The following KIF5C variants were observed in gnomAD, a reference collection of about 807,000 sequenced individuals.
KIF5C encodes kinesin family member 5C.
A neutral mutation model predicts 125.2 loss-of-function variants in KIF5C; 18 were observed. The ratio of observed to expected loss-of-function variants is 0.14; its 90% CI spans 0.10 to 0.21. The LOEUF is 0.21. Ranked by LOEUF, KIF5C falls within the 10% of genes least tolerant of loss-of-function variation. The pLI, the probability that KIF5C is intolerant of heterozygous loss-of-function variation, is 1.00. For synonymous variants in KIF5C, 405 were observed against 434.0 expected (o/e 0.93, Z 0.83); for missense variants, 780 against 1,183.8 (o/e 0.66, Z 5.01).
chr2:148,934,662 A>G (rs1375870111), intron 3 of KIF5C, among the ~76,000 whole-genome samples: 1 of 151,560 alleles, frequency 6.6e-6, no homozygotes. Flanking sequence ...CACACACATC[A>G]CAAGCACCCC....
At position 148,908,930 on chromosome 2, in the gene KIF5C, A is replaced by G. The variant is rs570572891; in HGVS notation, c.127-13207A>G. The stretch of plus-strand genomic sequence containing the variant: ...ATGTTATCTACATGATGAGGCCAGT[A>G]TGGCACAAAAGCAGTGAAGTCCCTG... On this transcript the variant is annotated intron_variant, in intron 1 of 25. Transcript: ENST00000435030. 2.0e-5 allele frequency among the ~76,000 whole-genome samples: 3 copies of G among 152,376 alleles called. No individual in the cohort carries two copies. The East Asian group carries it at 5.8e-4, about 29-fold the overall frequency.
chr2:148,994,625 G>A (rs954553309), intron 17 of KIF5C, 87 bp downstream of exon 17: 12 of 1,453,202 alleles, frequency 8.3e-6, no homozygotes, highest in South Asian at 1.4e-5. Context: ...GTTTAGTTTC[G>A]TTCAGTTAAA....
chr2:148,888,486 C>T (rs2105043662), intron 1 of KIF5C: 1 of 152,258 alleles, frequency 6.6e-6, no homozygotes, highest in South Asian at 2.1e-4. Flanking sequence ...CTTTGTCGCT[C>T]ACAGGTGCCT....
intron 12 of KIF5C, 82 bp from the exon 13 acceptor site, chr2:148,978,840 T>A: frequency 6.8e-7 from 1 of 1,471,238 alleles, no homozygotes; most frequent in Non-Finnish European, 9.0e-7. Context: ...AGCAAGCTTA[T>A]GGTAGCTGCC....
intron 1 of KIF5C, among the ~76,000 whole-genome samples, chr2:148,898,203 G>A (rs1226477023): frequency 1.7e-4 from 26 of 152,100 alleles, no homozygotes. Flanking sequence ...AGGGAGTGGA[G>A]AGTCCTAGAT....
At chr2:148,951,153 TATTTGCGATCCATTGC>T (rs1302220723) in intron 10 of KIF5C, among the ~76,000 whole-genome samples, 2 of 152,168 alleles carry the variant, frequency 1.3e-5, no homozygotes, top group African/African-American at 4.8e-5. Flanking sequence ...TTAGCTCCGG[TATTTGCGATCCATTGC>T]ACAGTTGCTG....
intron 25 of KIF5C, among the ~76,000 whole-genome samples, chr2:149,018,524 T>A (rs1408795123): frequency 6.6e-6 from 1 of 152,168 alleles, no homozygotes; most frequent in Non-Finnish European, 1.5e-5. Context: ...TAGGACCTTT[T>A]CTCCTCTTAA....
chr2:149,001,446 G>A (rs1176271491), intron 21 of KIF5C, among the ~76,000 whole-genome samples: 1 of 152,204 alleles, frequency 6.6e-6, no homozygotes, highest in Non-Finnish European at 1.5e-5. Flanking sequence ...TGCAGCTGAG[G>A]GAAGGACAGG....
intron 4 of KIF5C, among the ~76,000 whole-genome samples, chr2:148,940,210 G>T (rs1682375658): frequency 6.6e-6 from 1 of 152,214 alleles, no homozygotes; most frequent in Admixed American, 6.5e-5. Context: ...GTCCAGGATT[G>T]GAGGTCAGAC....
At chr2:148,929,448 C>T (rs949739329) in intron 3 of KIF5C, 94 bp downstream of exon 3, 2 of 750,664 alleles carry the variant, frequency 2.7e-6, no homozygotes, top group African/African-American at 1.8e-5. Flanking sequence ...GCTTTCTTTA[C>T]TGGGAAATAG....
intron 2 of KIF5C, 49 bp from the exon 3 acceptor site, chr2:148,929,232 A>G (rs1682114719): frequency 4.3e-6 from 5 of 1,166,314 alleles, no homozygotes; most frequent in Non-Finnish European, 6.2e-6. Flanking sequence ...CTACACCAGC[A>G]TATGATCAAA....
At chr2:148,928,506 T>C (rs754789653) in intron 2 of KIF5C, among the ~76,000 whole-genome samples, 3 of 152,226 alleles carry the variant, frequency 2.0e-5, no homozygotes, top group Non-Finnish European at 4.4e-5. Flanking sequence ...ACAGATAATC[T>C]TCAGCTCTTC....
At chr2:148,967,976 A>G (rs1018029187) in intron 11 of KIF5C, among the ~76,000 whole-genome samples, 11 of 152,140 alleles carry the variant, frequency 7.2e-5, no homozygotes, top group Non-Finnish European at 1.2e-4. Context: ...GGCGGGGTGA[A>G]GTCTGGATGC....
chr2:148,997,209 T>C (rs1316364432), intron 17 of KIF5C, 55 bp from the exon 18 acceptor site: 1 of 1,572,370 alleles, frequency 6.4e-7, no homozygotes, highest in Non-Finnish European at 8.7e-7. Context: ...ATTTTTGCTT[T>C]TGGGTGTGAG....
At chr2:148,935,014 C>A in intron 3 of KIF5C, 1 of 360,440 alleles carries the variant, frequency 2.8e-6, no homozygotes, top group South Asian at 2.1e-5. Flanking sequence ...TCTTGGGCAT[C>A]TGAGCTGGAT....
intron 20 of KIF5C, 24 bp from the exon 21 acceptor site, chr2:149,000,698 C>G (rs1270755459): frequency 1.9e-6 from 3 of 1,613,206 alleles, no homozygotes; most frequent in Non-Finnish European, 2.5e-6. Flanking sequence ...CTGTGGTGGT[C>G]TATGGTTCCT....
At chr2:148,984,741 A>G (rs1035254683) in intron 15 of KIF5C, among the ~76,000 whole-genome samples, 8 of 152,158 alleles carry the variant, frequency 5.3e-5, no homozygotes, top group Non-Finnish European at 1.2e-4. Flanking sequence ...ACCAATCATG[A>G]TGAATCCCTT....
chr2:149,022,267 T>TA (rs1446010731), intron 25 of KIF5C, among the ~76,000 whole-genome samples: 2 of 152,154 alleles, frequency 1.3e-5, no homozygotes, highest in Non-Finnish European at 2.9e-5. Flanking sequence ...TGAATATCCA[T>TA]AGCCTCAACA....
intron 9 of KIF5C, 118 bp from the exon 10 acceptor site, chr2:148,950,196 C>A: frequency 3.4e-6 from 5 of 1,471,646 alleles, no homozygotes; most frequent in Non-Finnish European, 4.5e-6. Flanking sequence ...AAAGACCCAG[C>A]CACAAATTCT....
Sources: allele counts gnomAD v4.1 joint callset (sites outside exome capture counted in the v4.1 genomes callset), GRCh38; gene constraint gnomAD v4.1.1; transcripts MANE v1.5; gene names NCBI Gene and HGNC (gene_info 2026-07-23, HGNC 2026-07-21).